Variants in SEC22A observed in about 807,000 individuals in gnomAD.
SEC22A encodes the protein SEC22 homolog A, vesicle trafficking protein.
SEC22A carries 22 observed loss-of-function variants against 35.3 expected under a neutral mutation model. That is an observed-to-expected ratio of 0.62 (90% CI 0.45 to 0.89). SEC22A has a LOEUF of 0.89. Ranked by LOEUF, SEC22A falls within the 40% of genes least tolerant of loss-of-function variation. SEC22A has a pLI of 0.00. For synonymous variants in SEC22A, 119 were observed against 129.5 expected (o/e 0.92, Z 0.55); for missense variants, 354 against 362.5 (o/e 0.98, Z 0.19).
At chr3:123,236,546 A>G (rs888156953) in intron 4 of SEC22A, among the ~76,000 whole-genome samples, 2 of 152,068 alleles carry the variant, frequency 1.3e-5, no homozygotes, top group African/African-American at 2.4e-5. Flanking sequence ...TTGGTTTACT[A>G]CCTCAGATTT....
intron 6 of SEC22A, among the ~76,000 whole-genome samples, chr3:123,266,434 C>T (rs1008942135): frequency 3.9e-5 from 6 of 151,968 alleles, no homozygotes; most frequent in East Asian, 1.9e-4. Flanking sequence ...TAAAGATTTC[C>T]GTCTTAGCAC....
chr3:123,241,002 TACAC>T (rs35775511), intron 4 of SEC22A, among the ~76,000 whole-genome samples: 38,098 of 142,484 alleles, frequency 0.27, 5,968 homozygotes, highest in Non-Finnish European at 0.37. Flanking sequence ...CTCTCTTTCT[TACAC>T]ACACACACAC....
chr3:123,261,337 T>G (rs779299216), intron 6 of SEC22A, among the ~76,000 whole-genome samples: 1 of 152,162 alleles, frequency 6.6e-6, no homozygotes, highest in African/African-American at 2.4e-5. Context: ...AAAGGGATAA[T>G]ATCTCATTTT....
At chr3:123,221,102 A>G (rs1937115154) in intron 2 of SEC22A, among the ~76,000 whole-genome samples, 1 of 151,740 alleles carries the variant, frequency 6.6e-6, no homozygotes, top group South Asian at 2.1e-4. Context: ...TCTAAACATT[A>G]ATAAATTCTG....
rs75612248 is a variant in SEC22A at position 123,271,731 on chromosome 3, T to G, written c.*9T>G. 6.9e-4 allele frequency: 1,120 copies of G among 1,611,622 alleles called. 7 individuals are homozygous for G. In the African/African-American group the frequency reaches 0.012, roughly 18 times the overall value. ...CCGATTATGATGTCTGACACCATCCTTCAGATCTATTGCCTTGGCTTCAGG... is the reference window on the plus strand; with the variant it reads ...CCGATTATGATGTCTGACACCATCCGTCAGATCTATTGCCTTGGCTTCAGG... On this transcript the variant is annotated 3_prime_UTR_variant, in exon 7 of 7. Coordinates refer to ENST00000492595, the MANE Select transcript of SEC22A (RefSeq NM_012430.5).
At chr3:123,209,078 C>T in intron 1 of SEC22A, 121 bp from the exon 2 acceptor site, 1 of 729,170 alleles carries the variant, frequency 1.4e-6, no homozygotes, top group Non-Finnish European at 2.3e-6. Context: ...CAGGTGTGAG[C>T]CACCACACCT....
chr3:123,243,094 C>T (rs1169145817), intron 4 of SEC22A, among the ~76,000 whole-genome samples: 1 of 152,182 alleles, frequency 6.6e-6, no homozygotes, highest in Non-Finnish European at 1.5e-5. Flanking sequence ...TTGTCACAAA[C>T]ATCGCTTTGA....
intron 4 of SEC22A, among the ~76,000 whole-genome samples, chr3:123,240,194 A>C (rs1355099215): frequency 6.6e-6 from 1 of 152,212 alleles, no homozygotes; most frequent in Non-Finnish European, 1.5e-5. Context: ...GCAAGGCCCA[A>C]GAGGTCAAAG....
At chr3:123,247,262 G>A (rs961378521) in intron 5 of SEC22A, among the ~76,000 whole-genome samples, 2 of 152,124 alleles carry the variant, frequency 1.3e-5, no homozygotes, top group African/African-American at 4.8e-5. Context: ...AGAAATAACA[G>A]TAGTATAGGG....
chr3:123,225,811 A>T (rs1156670867), intron 4 of SEC22A, among the ~76,000 whole-genome samples: 1 of 152,126 alleles, frequency 6.6e-6, no homozygotes, highest in East Asian at 1.9e-4. Context: ...TAACTATATT[A>T]TGTACCCATT....
intron 6 of SEC22A, among the ~76,000 whole-genome samples, chr3:123,266,698 A>G (rs1262694203): frequency 6.6e-6 from 1 of 152,130 alleles, no homozygotes; most frequent in East Asian, 1.9e-4. Context: ...TTATGGCCCC[A>G]AAATATGGTC....
At chr3:123,259,717 C>G (rs573376389) in intron 6 of SEC22A, 128 bp downstream of exon 6, 2 of 702,372 alleles carry the variant, frequency 2.8e-6, no homozygotes, top group Admixed American at 2.8e-5. Context: ...TAATTTGAGC[C>G]TCTTTTAACT....
intron 6 of SEC22A, among the ~76,000 whole-genome samples, chr3:123,269,177 A>ATGTG (rs1223821694): frequency 0.024 from 2,638 of 112,014 alleles, 41 homozygotes; most frequent in African/African-American, 0.052. Flanking sequence ...TGAATTAAAT[A>ATGTG]TATGTGTGTG....
intron 1 of SEC22A, among the ~76,000 whole-genome samples, chr3:123,205,725 A>G (rs922909736): frequency 4.4e-4 from 67 of 152,162 alleles, no homozygotes; most frequent in African/African-American, 1.5e-3. Flanking sequence ...GGAGTATTTG[A>G]AATGTAAGTT....
At position 123,249,561 on chromosome 3, in the gene SEC22A, G is replaced by T. The variant is rs376745321; in HGVS notation, c.657+3547G>T. 9.9e-4 allele frequency among the ~76,000 whole-genome samples: 151 copies of T among 152,160 alleles called. No homozygotes were observed. In the Middle Eastern group the frequency reaches 0.01, roughly 10 times the overall value. ...TGTATTTGAGATGGAGTCTCATCCT[G>T]TCGCCCAGGCTGGAGTGCAATGGCA... On this transcript the variant is annotated intron_variant, in intron 5 of 6. Transcript: ENST00000492595.
In SEC22A at chr3:123,271,842, A is replaced by G. The variant is rs962578596; in HGVS notation, c.*120A>G. The G allele has an allele frequency of 1.2e-6, 1 of 838,070 alleles. No homozygotes were observed. The highest frequency in any genetic ancestry group is 1.8e-6 in the Non-Finnish European group (1 of 545,124). 51.9% of individuals were successfully genotyped at this position (838,070 alleles called of 1,614,324 possible). A position where few individuals can be genotyped will look rare whatever the true frequency, so the allele number is the denominator to read the frequency against. On this transcript the variant is annotated 3_prime_UTR_variant, in exon 7 of 7. Transcript: ENST00000492595. ...AGAAGCTCTGCTTTCTTTCTCTCCA[A>G]CTTTCCTTTTTTAAAATCAGCATGA...
intron 5 of SEC22A, among the ~76,000 whole-genome samples, chr3:123,256,619 C>A (rs1378567170): frequency 6.6e-6 from 1 of 152,098 alleles, no homozygotes; most frequent in Non-Finnish European, 1.5e-5. Flanking sequence ...AGATGTGTCT[C>A]CATTGGGCTC....
In SEC22A at chr3:123,225,199, G is replaced by A. The variant is rs1937198909; in HGVS notation, c.443G>A (p.Arg148Lys). ...LSDMQTEIKL[R>K]PPYQISMCEL... ...GACATGCAGACGGAAATCAAGCTGA[G>A]GCCTCCTTATCAAATTTCCATGTGC... Residue 148 changes from arginine to lysine, a missense_variant, in exon 4 of 7, where the codon AGG becomes AAG. Transcript: ENST00000492595. 6.2e-7 allele frequency: 1 copy of A among 1,613,496 alleles called. No individual in the cohort carries two copies. Among genetic ancestry groups the A allele is most frequent in the Non-Finnish European group, 8.5e-7 (1 of 1,179,486 alleles).
intron 6 of SEC22A, among the ~76,000 whole-genome samples, chr3:123,260,581 C>G (rs1389248786): frequency 6.6e-6 from 1 of 152,118 alleles, no homozygotes; most frequent in Non-Finnish European, 1.5e-5. Flanking sequence ...TACCAGTTAC[C>G]CAAATGCAAG....
Sources: allele counts gnomAD v4.1 joint callset (sites outside exome capture counted in the v4.1 genomes callset), GRCh38; gene constraint gnomAD v4.1.1; transcripts MANE v1.5; gene names NCBI Gene and HGNC (gene_info 2026-07-23, HGNC 2026-07-21).